The following SEMA3C variants were observed in gnomAD, a reference collection of about 807,000 sequenced individuals.
SEMA3C encodes the protein semaphorin-3C.
In SEMA3C, 47 loss-of-function variants were observed where a neutral mutation model predicts 89.4. The ratio of observed to expected loss-of-function variants is 0.53; its 90% CI spans 0.42 to 0.67. SEMA3C has a LOEUF of 0.67. Ranked by LOEUF, SEMA3C falls within the 30% of genes least tolerant of loss-of-function variation. The pLI is 0.00. For synonymous variants in SEMA3C, 310 were observed against 320.2 expected, an observed-to-expected ratio of 0.97 and a Z score of 0.34; for missense variants, 839 against 929.1, an observed-to-expected ratio of 0.90 and a Z score of 1.26.
intron 5 of SEMA3C, among the ~76,000 whole-genome samples, chr7:80,812,002 T>A (rs117775242): frequency 0.014 from 2,121 of 152,298 alleles, 61 homozygotes; most frequent in Admixed American, 0.068. Context: ...ACATTCTCTG[T>A]ACATGCCTCC....
intron 2 of SEMA3C, among the ~76,000 whole-genome samples, chr7:80,838,094 C>T (rs1790175798): frequency 1.3e-5 from 2 of 152,140 alleles, no homozygotes; most frequent in South Asian, 4.1e-4. Flanking sequence ...CATCAAATTT[C>T]AGAAAATCAT....
intron 2 of SEMA3C, among the ~76,000 whole-genome samples, chr7:80,900,437 G>A (rs1791851245): frequency 6.6e-6 from 1 of 152,156 alleles, no homozygotes; most frequent in South Asian, 2.1e-4. Flanking sequence ...TTTACTGTGT[G>A]TCACATCTTG....
intron 2 of SEMA3C, among the ~76,000 whole-genome samples, chr7:80,868,909 C>T (rs184011864): frequency 4.6e-5 from 7 of 152,166 alleles, no homozygotes; most frequent in Non-Finnish European, 8.8e-5. Flanking sequence ...AAATGCATAA[C>T]GAGGTTTTCT....
intron 16 of SEMA3C, among the ~76,000 whole-genome samples, chr7:80,750,483 C>A (rs1350596750): frequency 7.4e-6 from 1 of 135,294 alleles, no homozygotes; most frequent in Admixed American, 7.5e-5. Flanking sequence ...TACACACACA[C>A]ACACACACAC....
chr7:80,884,871 A>T (rs1038154958), intron 2 of SEMA3C, among the ~76,000 whole-genome samples: 22 of 152,240 alleles, frequency 1.4e-4, no homozygotes, highest in Non-Finnish European at 2.5e-4. Flanking sequence ...CGGTGTAGGA[A>T]CACTGTGTAA....
At chr7:80,790,265 C>G (rs918488842) in intron 11 of SEMA3C, among the ~76,000 whole-genome samples, 4 of 151,022 alleles carry the variant, frequency 2.6e-5, no homozygotes, top group Admixed American at 6.6e-5. Flanking sequence ...GCCTGGGCAA[C>G]AGAGTGAAAT....
At position 80,852,334 on chromosome 7, in the gene SEMA3C, G is replaced by A. The variant is rs142554364; in HGVS notation, c.104-23589C>T. On this transcript the variant is annotated intron_variant, in intron 2 of 17. Transcript: ENST00000265361. ...TGGTTATCCCCTTGATACAGTAGCC[G>A]GTGTCACTTGTTATTCACTTGTCTC... Among the ~76,000 whole-genome samples, 1,386 of 152,114 alleles carry A rather than the reference G, an allele frequency of 9.1e-3. 25 individuals are homozygous for A. Among genetic ancestry groups the A allele is most frequent in the African/African-American group, 0.032 (1,327 of 41,478 alleles).
intron 11 of SEMA3C, chr7:80,793,418 A>T (rs982363817): frequency 4.9e-6 from 2 of 411,290 alleles, no homozygotes; most frequent in African/African-American, 4.2e-5. Flanking sequence ...AGCATATTTT[A>T]TCCAAAAAGC....
chr7:80,825,014 C>A (rs1289823603), intron 4 of SEMA3C, among the ~76,000 whole-genome samples: 3 of 152,034 alleles, frequency 2.0e-5, no homozygotes, highest in East Asian at 3.9e-4. Context: ...CTAATTTGTG[C>A]AAATTGAAAG....
In SEMA3C at chr7:80,828,840, G is replaced by A. The variant is rs972982605; in HGVS notation, c.104-95C>T. The A allele has an allele frequency of 3.1e-6, 3 of 970,416 alleles. No homozygotes were observed. In the African/African-American group the frequency reaches 5.0e-5, roughly 16 times the overall value. The allele number at this position is 970,416 out of a possible 1,614,324, so 60.1% of individuals were successfully genotyped here. ...CTATTATGCAAATATTCCAAAAAAT[G>A]TCAAGGTACATTTTCTTCTACAGTA... On this transcript the variant is annotated intron_variant, in intron 2 of 17. Coordinates refer to ENST00000265361, the MANE Select transcript of SEMA3C (RefSeq NM_006379.5).
intron 2 of SEMA3C, among the ~76,000 whole-genome samples, chr7:80,912,527 C>A (rs980081772): frequency 6.6e-6 from 1 of 152,182 alleles, no homozygotes; most frequent in African/African-American, 2.4e-5. Flanking sequence ...CAATCCTTTG[C>A]TGAGTTCAAT....
At position 80,810,103 on chromosome 7, in the gene SEMA3C, C is replaced by G. The variant is rs558403104; in HGVS notation, c.538+508G>C. ...AAATAGATTTTTAACATTCTCACCA[C>G]AAAAAAATACGTGGGCGAGGTAATG... On this transcript the variant is annotated intron_variant, in intron 6 of 17. Coordinates refer to ENST00000265361, the MANE Select transcript of SEMA3C (RefSeq NM_006379.5). Among the ~76,000 whole-genome samples, 156 of 152,040 alleles carry G rather than the reference C, an allele frequency of 1.0e-3. 1 individual carries two copies. The highest frequency in any genetic ancestry group is 3.7e-3 in the African/African-American group (152 of 41,502).
intron 2 of SEMA3C, among the ~76,000 whole-genome samples, chr7:80,833,066 T>C (rs1232271646): frequency 6.6e-6 from 1 of 152,108 alleles, no homozygotes; most frequent in Non-Finnish European, 1.5e-5. Flanking sequence ...GCTGGGAAAA[T>C]AGGCTCAACT....
At chr7:80,788,439 A>G (rs1400308446) in intron 12 of SEMA3C, among the ~76,000 whole-genome samples, 1 of 152,170 alleles carries the variant, frequency 6.6e-6, no homozygotes, top group Non-Finnish European at 1.5e-5. Flanking sequence ...AATTACTTAG[A>G]GGGCTTGCGA....
chr7:80,797,968 A>T, intron 11 of SEMA3C, 124 bp downstream of exon 11: 2 of 923,560 alleles, frequency 2.2e-6, no homozygotes, highest in Non-Finnish European at 3.2e-6. Context: ...ACTACATTCC[A>T]CCCTGGGCAA....
intron 2 of SEMA3C, among the ~76,000 whole-genome samples, chr7:80,878,895 T>C (rs554054225): frequency 1.3e-5 from 2 of 152,148 alleles, no homozygotes; most frequent in Non-Finnish European, 1.5e-5. Context: ...AAAGTTGTTA[T>C]AGAGGTAGGA....
rs1788735396 is a variant in SEMA3C at position 80,783,501 on chromosome 7, G to T, written c.1354+5805C>A. Among the ~76,000 whole-genome samples the T allele has an allele frequency of 3.3e-5, 5 of 152,146 alleles. No individual in the cohort carries two copies. In the South Asian group the frequency reaches 1.0e-3, roughly 32 times the overall value. ...ATTAAAAATCAGTAACTTACAAAGG[G>T]TTTTTTCCTTACGCCAAAGCAAAGG... is the stretch of plus-strand genomic sequence containing the variant. On this transcript the variant is annotated intron_variant, in intron 12 of 17. Transcript: ENST00000265361.
intron 4 of SEMA3C, among the ~76,000 whole-genome samples, chr7:80,822,416 T>TAA (rs34568196): frequency 0.023 from 3,246 of 143,888 alleles, 103 homozygotes; most frequent in East Asian, 0.11. Flanking sequence ...TAAATAAAAA[T>TAA]AAAAAAAAAA....
At chr7:80,825,306 C>T (rs1403717148) in intron 4 of SEMA3C, among the ~76,000 whole-genome samples, 1 of 152,002 alleles carries the variant, frequency 6.6e-6, no homozygotes, top group Non-Finnish European at 1.5e-5. Flanking sequence ...TTAGTATTTC[C>T]CAGCACTCAA....
Sources: gnomAD v4.1 joint callset for allele counts (sites outside exome capture counted in the v4.1 genomes callset) on GRCh38, gnomAD v4.1.1 for gene constraint, MANE v1.5 for transcripts, NCBI Gene and HGNC (gene_info 2026-07-23, HGNC 2026-07-21) for gene names.